The following TMEM117 variants were observed in gnomAD, a reference collection of about 807,000 sequenced individuals.
The protein encoded by TMEM117 is transmembrane protein 117.
TMEM117 carries 27 observed loss-of-function variants against 52.4 expected under a neutral mutation model. That is an observed-to-expected ratio of 0.51 (90% CI 0.38 to 0.71). TMEM117 has a LOEUF of 0.71. TMEM117 is among the 30% of genes least tolerant of loss of function. The pLI is 0.00. For missense variants in TMEM117, 556 were observed against 630.5 expected, an observed-to-expected ratio of 0.88 and a Z score of 1.26; for synonymous variants, 215 against 206.3, an observed-to-expected ratio of 1.04 and a Z score of -0.36.
chr12:44,071,450 G>A (rs948975925), intron 3 of TMEM117, among the ~76,000 whole-genome samples: 9 of 152,084 alleles, frequency 5.9e-5, no homozygotes, highest in African/African-American at 2.2e-4. Context: ...AAAGGGAATG[G>A]GAATTTTAAC....
At chr12:44,242,011 G>A (rs1592633722) in intron 5 of TMEM117, among the ~76,000 whole-genome samples, 2 of 151,850 alleles carry the variant, frequency 1.3e-5, no homozygotes, top group Non-Finnish European at 2.9e-5. Flanking sequence ...ACAAAATAAG[G>A]TTGACGTGGC....
At chr12:44,209,459 T>C (rs959376764) in intron 4 of TMEM117, among the ~76,000 whole-genome samples, 4 of 152,166 alleles carry the variant, frequency 2.6e-5, no homozygotes, top group African/African-American at 4.8e-5. Context: ...TGAACTAGTT[T>C]CTCTTTAAAA....
chr12:44,313,730 A>T (rs566427073), intron 6 of TMEM117, among the ~76,000 whole-genome samples: 5 of 152,288 alleles, frequency 3.3e-5, no homozygotes, highest in African/African-American at 1.2e-4. Flanking sequence ...TAATTCTTTC[A>T]GTCTATGAGC....
At chr12:43,809,570 A>T in the TMEM117 span, among the ~76,000 whole-genome samples, 1 of 152,234 alleles carries the variant, frequency 6.6e-6, no homozygotes, top group Admixed American at 6.5e-5. Context: ...ATGATTCAAA[A>T]TAAAAGGTCA....
At chr12:44,090,773 A>G (rs1372983456) in intron 3 of TMEM117, among the ~76,000 whole-genome samples, 1 of 149,840 alleles carries the variant, frequency 6.7e-6, no homozygotes, top group Non-Finnish European at 1.5e-5. Context: ...AAAACACTTA[A>G]TTCCTCTTTA....
chr12:44,032,012 C>T (rs1946640489), intron 3 of TMEM117, among the ~76,000 whole-genome samples: 1 of 152,148 alleles, frequency 6.6e-6, no homozygotes, highest in Admixed American at 6.6e-5. Context: ...AAGAATGCCA[C>T]TTTCTAACAA....
At chr12:44,005,642 C>T (rs73286259) in intron 3 of TMEM117, among the ~76,000 whole-genome samples, 4,858 of 152,238 alleles carry the variant, frequency 0.032, 174 homozygotes, top group African/African-American at 0.086. Context: ...TGCAAAATCT[C>T]CAGGCCTTCT....
At chr12:44,383,517 C>T (rs900273839) in intron 7 of TMEM117, among the ~76,000 whole-genome samples, 3 of 152,102 alleles carry the variant, frequency 2.0e-5, no homozygotes, top group African/African-American at 4.8e-5. Context: ...ACCAACACCA[C>T]GCAGTGATTT....
chr12:44,024,014 G>A (rs887918763), intron 3 of TMEM117, among the ~76,000 whole-genome samples: 1 of 151,992 alleles, frequency 6.6e-6, no homozygotes, highest in Non-Finnish European at 1.5e-5. Context: ...TATTTTCCAT[G>A]TCACTGATTA....
intron 3 of TMEM117, among the ~76,000 whole-genome samples, chr12:44,114,127 A>T (rs1948090044): frequency 6.6e-6 from 1 of 150,804 alleles, no homozygotes; most frequent in African/African-American, 2.4e-5. Context: ...TAGTGAGATG[A>T]ACCCGGTACC....
At chr12:43,933,423 G>C (rs974485077) in intron 2 of TMEM117, among the ~76,000 whole-genome samples, 2 of 151,016 alleles carry the variant, frequency 1.3e-5, no homozygotes, top group Admixed American at 6.6e-5. Context: ...GGATGGTCTC[G>C]ATCTCCTGAC....
At chr12:44,267,054 G>C (rs1950386901) in intron 5 of TMEM117, among the ~76,000 whole-genome samples, 1 of 152,168 alleles carries the variant, frequency 6.6e-6, no homozygotes, top group East Asian at 1.9e-4. Flanking sequence ...TGCCAATAAA[G>C]CAGCTGGGAT....
At chr12:44,341,170 G>GA (rs200613668) in intron 6 of TMEM117, among the ~76,000 whole-genome samples, 238 of 149,982 alleles carry the variant, frequency 1.6e-3, no homozygotes, top group African/African-American at 4.1e-3. Flanking sequence ...CAGCTAATTA[G>GA]AAAAAAAAAA....
At chr12:43,948,522 G>A (rs1333272663) in intron 3 of TMEM117, among the ~76,000 whole-genome samples, 1 of 151,968 alleles carries the variant, frequency 6.6e-6, no homozygotes, top group Admixed American at 6.6e-5. Flanking sequence ...AGCCAGGATG[G>A]TCTCGATCTC....
At chr12:44,023,869 C>T (rs571377487) in intron 3 of TMEM117, among the ~76,000 whole-genome samples, 2 of 150,788 alleles carry the variant, frequency 1.3e-5, no homozygotes, top group South Asian at 2.1e-4. Flanking sequence ...TGCTAAATGA[C>T]GAGTTAATGG....
At position 44,361,439 on chromosome 12, in the gene TMEM117, A is replaced by G. The variant is rs181166175; in HGVS notation, c.769-15156A>G. 1.4e-3 allele frequency among the ~76,000 whole-genome samples: 209 copies of G among 152,284 alleles called. 1 individual carries two copies. The highest frequency in any genetic ancestry group is 4.9e-3 in the African/African-American group (202 of 41,576). On this transcript the variant is annotated intron_variant, in intron 6 of 7. Coordinates refer to ENST00000266534, the MANE Select transcript of TMEM117 (RefSeq NM_032256.3). ...ATACAATGCTTCCATATTATCCTGT[A>G]AGTATTGTTTAACTTGTTTGCCTCT...
chr12:44,030,018 G>A (rs1946608666), intron 3 of TMEM117, among the ~76,000 whole-genome samples: 2 of 151,168 alleles, frequency 1.3e-5, no homozygotes, highest in Non-Finnish European at 2.9e-5. Context: ...GTATGTATAT[G>A]TATATATGTT....
At chr12:44,134,300 G>C (rs1701088) in intron 3 of TMEM117, among the ~76,000 whole-genome samples, 47,017 of 151,828 alleles carry the variant, frequency 0.31, 12,700 homozygotes, top group African/African-American at 0.74. Context: ...TCGCTGTAGC[G>C]TTGACCTCCT....
chr12:43,800,557 T>C, the TMEM117 span: 3 of 1,548,518 alleles, frequency 1.9e-6, no homozygotes, highest in Admixed American at 1.7e-5. Flanking sequence ...GTTTACTTAG[T>C]TTATAGATGA....
Sources: gnomAD v4.1 joint callset for allele counts (sites outside exome capture counted in the v4.1 genomes callset) on GRCh38, gnomAD v4.1.1 for gene constraint, MANE v1.5 for transcripts, NCBI Gene and HGNC (gene_info 2026-07-23, HGNC 2026-07-21) for gene names.